Variants in TNFSF15 observed in about 807,000 individuals in gnomAD.
TNFSF15 encodes TNF superfamily member 15.
Under a neutral mutation model 26.4 loss-of-function variants are expected in TNFSF15, and 15 were observed. The observed-to-expected ratio is 0.57, with a 90% CI of 0.38 to 0.87. The LOEUF is 0.87. TNFSF15 is among the 40% of genes least tolerant of loss of function. The probability of loss-of-function intolerance (pLI) is 0.00; values close to 1 mark genes in which losing one functional copy is unlikely to be tolerated. For synonymous variants in TNFSF15, 116 were observed against 115.0 expected, an observed-to-expected ratio of 1.01 and a Z score of -0.06; for missense variants, 290 against 306.1, an observed-to-expected ratio of 0.95 and a Z score of 0.39.
At position 114,787,575 on chromosome 9, in the gene TNFSF15, C is replaced by T. The variant is rs1009866284; in HGVS notation, c.*2877G>A. On this transcript the variant is annotated 3_prime_UTR_variant, in exon 4 of 4. Coordinates refer to ENST00000374045, the MANE Select transcript of TNFSF15 (RefSeq NM_005118.4). ...ATTTACTGTTTTCTAAAGCATGCTT[C>T]TTCCTCCCTCCCAAACCCTGAATAC... is the stretch of plus-strand genomic sequence containing the variant. The T allele has an allele frequency of 1.3e-5, 2 of 152,648 alleles. No homozygotes were observed. The highest frequency in any genetic ancestry group is 4.8e-5 in the African/African-American group (2 of 41,450). The allele number at this position is 152,648 out of a possible 1,614,324, so 9.5% of individuals were successfully genotyped here. A position where few individuals can be genotyped will look rare whatever the true frequency, so the allele number is the denominator to read the frequency against.
intron 3 of TNFSF15, 98 bp from the exon 4 acceptor site, chr9:114,791,004 C>A: frequency 1.7e-6 from 2 of 1,203,910 alleles, no homozygotes; most frequent in South Asian, 1.4e-5. Context: ...CTAAAGTGAT[C>A]GAATATACCT....
At chr9:114,791,343 C>G (rs1829595057) in intron 3 of TNFSF15, 1 of 228,872 alleles carries the variant, frequency 4.4e-6, no homozygotes, top group Non-Finnish European at 9.4e-6. Context: ...CCTTCAAATT[C>G]CCATTCTTTG....
intron 1 of TNFSF15, among the ~76,000 whole-genome samples, chr9:114,799,889 C>T (rs1004339362): frequency 1.4e-4 from 22 of 152,224 alleles, no homozygotes; most frequent in Non-Finnish European, 4.4e-5. Flanking sequence ...CCTCTGGTTT[C>T]CCTTCCCTTT....
intron 1 of TNFSF15, among the ~76,000 whole-genome samples, chr9:114,802,053 TC>T (rs1829755922): frequency 6.6e-6 from 1 of 152,208 alleles, no homozygotes; most frequent in Non-Finnish European, 1.5e-5. Context: ...TGCTTTTTTT[TC>T]AGTTAACTTG....
At chr9:114,797,472 A>G (rs1829686316) in intron 1 of TNFSF15, among the ~76,000 whole-genome samples, 1 of 152,230 alleles carries the variant, frequency 6.6e-6, no homozygotes, top group Non-Finnish European at 1.5e-5. Flanking sequence ...CTTAATAACA[A>G]CTCTGTCTAT....
At chr9:114,803,026 C>T (rs555333633) in intron 1 of TNFSF15, among the ~76,000 whole-genome samples, 22 of 152,258 alleles carry the variant, frequency 1.4e-4, no homozygotes, top group African/African-American at 4.1e-4. Flanking sequence ...CAATGACCTG[C>T]GATCATCTGA....
At chr9:114,798,412 AC>A (rs1269934526) in intron 1 of TNFSF15, among the ~76,000 whole-genome samples, 1 of 151,974 alleles carries the variant, frequency 6.6e-6, no homozygotes, top group Non-Finnish European at 1.5e-5. Context: ...CCTGACTCAA[AC>A]TAACCATGGT....
chr9:114,799,571 T>C (rs186776825), intron 1 of TNFSF15, among the ~76,000 whole-genome samples: 2 of 152,208 alleles, frequency 1.3e-5, no homozygotes, highest in East Asian at 1.9e-4. Context: ...AGAGTGCAAA[T>C]AGATTGAGGG....
chr9:114,792,127 C>T, intron 3 of TNFSF15: 1 of 444,540 alleles, frequency 2.2e-6, no homozygotes, highest in Non-Finnish European at 4.1e-6. Flanking sequence ...TATTGCAGCA[C>T]TATTCACAAT....
chr9:114,798,866 ACTCT>A (rs1478534152), intron 1 of TNFSF15, among the ~76,000 whole-genome samples: 7 of 152,022 alleles, frequency 4.6e-5, no homozygotes, highest in Non-Finnish European at 1.0e-4. Flanking sequence ...TACTATAGTC[ACTCT>A]CTATCTCTAT....
At chr9:114,792,075 A>G (rs1829607884) in intron 3 of TNFSF15, 2 of 273,714 alleles carry the variant, frequency 7.3e-6, no homozygotes, top group Non-Finnish European at 1.5e-5. Context: ...AGGGAAGAAG[A>G]CATCCAAAAA....
intron 1 of TNFSF15, among the ~76,000 whole-genome samples, chr9:114,793,991 C>G (rs1418060376): frequency 2.6e-5 from 4 of 152,182 alleles, no homozygotes; most frequent in African/African-American, 9.6e-5. Flanking sequence ...CTATGTTCTC[C>G]TTTTCATCAG....
At chr9:114,793,466 G>T in intron 2 of TNFSF15, 60 bp downstream of exon 2, 1 of 1,578,726 alleles carries the variant, frequency 6.3e-7, no homozygotes, top group South Asian at 1.1e-5. Flanking sequence ...CCTGCATACA[G>T]AACTACTAGA....
At position 114,785,219 on chromosome 9, in the gene TNFSF15, G is replaced by A. The variant is rs1298882607; in HGVS notation, c.*5233C>T. On this transcript the variant is annotated 3_prime_UTR_variant, in exon 4 of 4. Transcript: ENST00000374045. ...CTAGCTACTGTCTGGCACTGGCCAC[G>A]AAGGGTGACAGGGTGTGGATGTGAT... 1 of 152,226 alleles carries A rather than the reference G, an allele frequency of 6.6e-6. No homozygotes were observed. The highest frequency in any genetic ancestry group is 2.4e-5 in the African/African-American group (1 of 41,464). The allele number at this position is 152,226 out of a possible 1,614,324, so 9.4% of individuals were successfully genotyped here.
intron 1 of TNFSF15, 133 bp downstream of exon 1, chr9:114,805,670 A>G: frequency 1.1e-6 from 1 of 880,638 alleles, no homozygotes; most frequent in South Asian, 1.8e-5. Context: ...CCCACTCTAC[A>G]TTTCCTCTGC....
rs758572471 is a variant in TNFSF15 at position 114,790,565 on chromosome 9, C to T, written c.643G>A (p.Gly215Arg). The T allele has an allele frequency of 3.1e-6, 5 of 1,614,028 alleles. No homozygotes were observed. The highest frequency in any genetic ancestry group is 2.2e-5 in the East Asian group (1 of 44,856). Reference protein sequence around the residue: ...GSNWFQPIYLGAMFSLQEGDK... With the variant: ...GSNWFQPIYLRAMFSLQEGDK... ...CCTTCTTGCAAGGAGAACATGGCTCCGAGGTAGATGGGCTGGAACCAGTTG... is the reference window on the plus strand; with the variant it reads ...CCTTCTTGCAAGGAGAACATGGCTCTGAGGTAGATGGGCTGGAACCAGTTG... Residue 215 changes from glycine (G) to arginine (R), a missense_variant, in exon 4 of 4, where the codon GGA becomes AGA. Gly to Arg is a moderately radical substitution (Grantham distance 125). This residue lies in a region of TNFSF15 where 102 missense variants were observed against 114.7 expected (regional missense o/e 0.89). Transcript: ENST00000374045.
At position 114,805,830 on chromosome 9, in the gene TNFSF15, G is replaced by C. The variant is rs370014668; in HGVS notation, c.183C>G (p.Ala61=). The stretch of plus-strand genomic sequence containing the variant: ...GGAACTGCACACAGGCCTCTCCCTG[G>C]GCCCGGAGCTGGCTGACAAGCAGGT... ...TTYLLVSQLR[A]QGEACVQFQA... is the part of the protein sequence containing the mutation. Residue 61 remains alanine (A), a synonymous_variant, in exon 1 of 4, where the codon GCC becomes GCG. Coordinates refer to ENST00000374045, the MANE Select transcript of TNFSF15 (RefSeq NM_005118.4). 1.9e-6 allele frequency: 3 copies of C among 1,613,442 alleles called. No individual in the cohort carries two copies. The African/African-American group carries it at 4.0e-5, about 22-fold the overall frequency.
chr9:114,792,434 C>T lies in TNFSF15; in HGVS notation c.274G>A (p.Gly92Arg), dbSNP rs746375852. ...QQVYAPLRADGDKPRAHLTVV... is the reference protein window; with the variant it reads ...QQVYAPLRADRDKPRAHLTVV... ...GTCAGGTGTGCCCTTGGCTTATCTC[C>T]GTCTGCTCTAAGAGGTGCATCTGTA... Residue 92 changes from glycine to arginine, a missense_variant, in exon 3 of 4, where the codon GGA becomes AGA. Gly to Arg is a moderately radical substitution (Grantham distance 125, BLOSUM62 -2). Coordinates refer to ENST00000374045, the MANE Select transcript of TNFSF15 (RefSeq NM_005118.4). The T allele has an allele frequency of 1.5e-5, 25 of 1,613,978 alleles. No homozygotes were observed. The highest frequency in any genetic ancestry group is 5.0e-5 in the Admixed American group (3 of 59,996).
rs528847250 is a variant in TNFSF15, at chr9:114,802,630, A to G, written c.210+3173T>C. Among the ~76,000 whole-genome samples the G allele has an allele frequency of 4.6e-5, 7 of 152,300 alleles. No homozygotes were observed. The East Asian group carries it at 1.2e-3, about 25-fold the overall frequency. On this transcript the variant is annotated intron_variant, in intron 1 of 3. Transcript: ENST00000374045. ...GATTCTTAATTCTCTCTTTGGAAAA[A>G]TACAGGTAGCCTTACTCTCTGCTGG...
Sources: gnomAD v4.1 joint callset for allele counts (sites outside exome capture counted in the v4.1 genomes callset) on GRCh38, gnomAD v4.1.1 for gene constraint, gnomAD v4.1.1 regional missense constraint, MANE v1.5 for transcripts, NCBI Gene and HGNC (gene_info 2026-07-23, HGNC 2026-07-21) for gene names.